ROBO2: variants seen among roughly 807,000 people sequenced by gnomAD.
ROBO2 encodes the protein roundabout homolog 2.
ROBO2 carries 53 observed loss-of-function variants against 160.8 expected under a neutral mutation model. That is an observed-to-expected ratio of 0.33 (90% confidence interval 0.26 to 0.41). The LOEUF (loss-of-function observed/expected upper bound fraction) is 0.41, where lower values mean the gene tolerates loss of function less well. ROBO2 is among the 10% of genes least tolerant of loss of function. The probability of loss-of-function intolerance (pLI) is 1.00; values close to 1 mark genes in which losing one functional copy is unlikely to be tolerated. For synonymous variants in ROBO2, 664 were observed against 611.7 expected, an observed-to-expected ratio of 1.09 and a Z score of -1.26; for missense variants, 1,577 against 1,722.4, an observed-to-expected ratio of 0.92 and a Z score of 1.49.
At chr3:77,050,110 G>T (rs1412046672) in intron 1 of ROBO2, among the ~76,000 whole-genome samples, 2 of 152,098 alleles carry the variant, frequency 1.3e-5, no homozygotes, top group African/African-American at 4.8e-5. Flanking sequence ...ATAAAATATA[G>T]ATTTCAGGGT....
intron 2 of ROBO2, among the ~76,000 whole-genome samples, chr3:76,809,567 C>G (rs1233652781): frequency 6.6e-6 from 1 of 152,148 alleles, no homozygotes; most frequent in Non-Finnish European, 1.5e-5. Flanking sequence ...GAGGAAGAGA[C>G]AGCACAAAGG....
chr3:76,879,168 G>A (rs943514239), intron 2 of ROBO2, among the ~76,000 whole-genome samples: 6 of 152,182 alleles, frequency 3.9e-5, no homozygotes, highest in Middle Eastern at 3.4e-3. Flanking sequence ...TTTTCATGTC[G>A]TATTTAATTG....
At chr3:76,408,064 T>C (rs891638322) in intron 2 of ROBO2, among the ~76,000 whole-genome samples, 21 of 152,196 alleles carry the variant, frequency 1.4e-4, no homozygotes, top group Admixed American at 9.8e-4. Context: ...CCTCTGATGT[T>C]ATAAAATGAA....
chr3:76,846,353 A>G (rs2068772223), intron 2 of ROBO2, among the ~76,000 whole-genome samples: 1 of 152,114 alleles, frequency 6.6e-6, no homozygotes, highest in African/African-American at 2.4e-5. Context: ...GCGTGTTGCA[A>G]TGAATATGAT....
At chr3:75,943,282 C>T (rs1948135792) in intron 2 of ROBO2, among the ~76,000 whole-genome samples, 1 of 152,190 alleles carries the variant, frequency 6.6e-6, no homozygotes, top group African/African-American at 2.4e-5. Flanking sequence ...AGTATGATTT[C>T]TTTCACATTT....
intron 2 of ROBO2, among the ~76,000 whole-genome samples, chr3:76,150,086 C>T (rs1458723505): frequency 3.1e-5 from 1 of 31,808 alleles, no homozygotes; most frequent in South Asian, 2.0e-3. Flanking sequence ...CTAAAACACA[C>T]ATCTGTCTAA....
At chr3:77,067,589 G>T (rs2066990209) in intron 1 of ROBO2, among the ~76,000 whole-genome samples, 1 of 152,142 alleles carries the variant, frequency 6.6e-6, no homozygotes, top group South Asian at 2.1e-4. Flanking sequence ...ATTAAGCAAG[G>T]TAACATGTGA....
At chr3:77,621,067 C>A (rs1257273551) in intron 22 of ROBO2, among the ~76,000 whole-genome samples, 2 of 151,954 alleles carry the variant, frequency 1.3e-5, no homozygotes, top group African/African-American at 4.8e-5. Flanking sequence ...TGCCCAGCTT[C>A]ACACTTTGTT....
intron 2 of ROBO2, among the ~76,000 whole-genome samples, chr3:76,369,352 T>C (rs796343475): frequency 3.9e-5 from 6 of 152,062 alleles, no homozygotes; most frequent in African/African-American, 1.2e-4. Context: ...TCCTCTTGCT[T>C]TGTCTGTAGA....
chr3:76,209,259 T>C (rs1702994498), intron 2 of ROBO2, among the ~76,000 whole-genome samples: 1 of 152,222 alleles, frequency 6.6e-6, no homozygotes, highest in Non-Finnish European at 1.5e-5. Context: ...CTGTCAGACC[T>C]ACCTAGATAT....
At chr3:76,597,702 C>T (rs2086830912) in intron 2 of ROBO2, among the ~76,000 whole-genome samples, 1 of 152,034 alleles carries the variant, frequency 6.6e-6, no homozygotes, top group Non-Finnish European at 1.5e-5. Context: ...CCCACCCTCC[C>T]CGCTTAAGCA....
At chr3:76,930,816 A>G (rs184640895) in intron 2 of ROBO2, among the ~76,000 whole-genome samples, 1 of 152,304 alleles carries the variant, frequency 6.6e-6, no homozygotes, top group Admixed American at 6.5e-5. Context: ...CCCTCAGTGG[A>G]TTGGAAAATT....
In ROBO2 at chr3:75,918,354, T is replaced by C. The variant is rs544514130; in HGVS notation, c.-14+11394T>C. Among the ~76,000 whole-genome samples the C allele has an allele frequency of 1.0e-3, 154 of 152,138 alleles. 1 individual carries two copies. Among genetic ancestry groups the C allele is most frequent in the African/African-American group, 3.5e-3 (146 of 41,516 alleles). The stretch of plus-strand genomic sequence containing the variant: ...AGATCAGATGGTTGTAGCTGTGTGG[T>C]GTTATTTCTGAGGCCTCTGTTCTGT... On this transcript the variant is annotated intron_variant, in intron 1 of 26. Coordinates refer to the ROBO2 transcript ENST00000487694.
chr3:77,323,625 G>T (rs2065047651), intron 2 of ROBO2, among the ~76,000 whole-genome samples: 1 of 152,022 alleles, frequency 6.6e-6, no homozygotes, highest in Admixed American at 6.6e-5. Flanking sequence ...ATAAATGTTT[G>T]CAATACTGAT....
intron 2 of ROBO2, among the ~76,000 whole-genome samples, chr3:76,812,398 C>G (rs1272368925): frequency 6.8e-6 from 1 of 146,344 alleles, no homozygotes; most frequent in Non-Finnish European, 1.5e-5. Flanking sequence ...GCCCAAAGAC[C>G]ATGAGTATTT....
Position 76,651,922 on chromosome 3 carries a change from C to T in ROBO2, c.110-446092C>T, listed in dbSNP as rs559632932. On this transcript the variant is annotated intron_variant, in intron 2 of 26. Transcript: ENST00000487694. ...CTATTGTTTGATCTCAAACAAGTAC[C>T]TCCCCTTCCTTGCTAGGTCCAGCCT... Among the ~76,000 whole-genome samples the T allele has an allele frequency of 8.5e-5, 13 of 152,218 alleles. 1 individual carries two copies. In the South Asian group the frequency reaches 2.7e-3, roughly 32 times the overall value.
At chr3:77,288,334 C>T (rs2060760953) in intron 2 of ROBO2, among the ~76,000 whole-genome samples, 2 of 152,156 alleles carry the variant, frequency 1.3e-5, no homozygotes, top group African/African-American at 4.8e-5. Context: ...AAACACTTCT[C>T]TGTAGAGTAG....
chr3:76,562,466 A>G (rs2108503386), intron 2 of ROBO2, among the ~76,000 whole-genome samples: 1 of 140,004 alleles, frequency 7.1e-6, no homozygotes, highest in South Asian at 2.3e-4. Flanking sequence ...TCTCTCTCTC[A>G]ACCTTTTCCA....
chr3:76,760,377 T>C (rs2061235928), intron 2 of ROBO2, among the ~76,000 whole-genome samples: 1 of 151,752 alleles, frequency 6.6e-6, no homozygotes, highest in South Asian at 2.1e-4. Context: ...GGGCACACCA[T>C]GGCTGAAAAT....
Sources: allele counts gnomAD v4.1 joint callset (sites outside exome capture counted in the v4.1 genomes callset), GRCh38; gene constraint gnomAD v4.1.1; transcripts MANE v1.5; gene names NCBI Gene and HGNC (gene_info 2026-07-23, HGNC 2026-07-21).